The following MACF1 variants were observed in gnomAD, a reference collection of about 807,000 sequenced individuals.
The protein encoded by MACF1 is microtubule actin crosslinking factor 1.
A neutral mutation model predicts 854.8 loss-of-function variants in MACF1; 193 were observed. That is an observed-to-expected ratio of 0.23 (90% CI 0.20 to 0.25). The LOEUF (loss-of-function observed/expected upper bound fraction) is 0.25, where lower values mean the gene tolerates loss of function less well. Among genes scored for constraint, MACF1 ranks in the 10% least tolerant of loss-of-function variants. The probability of loss-of-function intolerance (pLI) is 1.00; values close to 1 mark genes in which losing one functional copy is unlikely to be tolerated. For synonymous variants in MACF1, 3,185 were observed against 3,226.7 expected (o/e 0.99, Z 0.44); for missense variants, 7,722 against 8,929.1 (o/e 0.86, Z 5.45).
intron 97 of MACF1, among the ~76,000 whole-genome samples, chr1:39,478,088 C>T (rs1029275317): frequency 2.0e-5 from 3 of 150,698 alleles, no homozygotes; most frequent in Admixed American, 1.3e-4. Context: ...CTGCAGCCTC[C>T]GCCTCCTGGG....
intron 97 of MACF1, among the ~76,000 whole-genome samples, chr1:39,470,159 T>C (rs1190940312): frequency 6.6e-6 from 1 of 152,226 alleles, no homozygotes; most frequent in Non-Finnish European, 1.5e-5. Context: ...ATGTTTGCTG[T>C]ACAGTACATA....
intron 58 of MACF1, among the ~76,000 whole-genome samples, chr1:39,399,693 T>A (rs974796275): frequency 1.3e-5 from 2 of 152,110 alleles, no homozygotes; most frequent in Non-Finnish European, 2.9e-5. Context: ...AGGCTTTTGA[T>A]CTCCCCAGCT....
chr1:39,171,810 T>C (rs1479395068), intron 2 of MACF1, among the ~76,000 whole-genome samples: 2 of 152,066 alleles, frequency 1.3e-5, no homozygotes, highest in African/African-American at 4.8e-5. Flanking sequence ...GTATTTTTAG[T>C]AGAGACGGGG....
chr1:39,379,493 C>T (rs757399504), intron 54 of MACF1, 49 bp downstream of exon 54: 1 of 1,563,190 alleles, frequency 6.4e-7, no homozygotes, highest in Non-Finnish European at 8.7e-7. Context: ...GAAGAGACAG[C>T]TGTACCAGTG....
At chr1:39,276,562 C>T (rs1645441446) in intron 6 of MACF1, among the ~76,000 whole-genome samples, 1 of 152,152 alleles carries the variant, frequency 6.6e-6, no homozygotes. Context: ...CATCCACTTT[C>T]TACGTGGAAT....
rs183980143 is a variant in MACF1 at position 39,255,523 on chromosome 1, C to T, written c.435+1148C>T. On this transcript the variant is annotated intron_variant, in intron 5 of 100. Transcript: ENST00000564288. ...TTGGAGTCAGTTCATTTTTGACACT[C>T]ATATCAGTAATTCTCATTAACTTCT... Among the ~76,000 whole-genome samples, 308 of 152,292 alleles carry T rather than the reference C, an allele frequency of 2.0e-3. 2 individuals carry two copies. Among genetic ancestry groups the T allele is most frequent in the African/African-American group, 7.1e-3 (297 of 41,570 alleles).
chr1:39,379,867 A>G (rs1025006770), intron 54 of MACF1, among the ~76,000 whole-genome samples: 4 of 152,232 alleles, frequency 2.6e-5, no homozygotes, highest in Non-Finnish European at 5.9e-5. Context: ...GTCAGAAGAT[A>G]TAAGACCACA....
Position 39,485,746 on chromosome 1 carries a change from T to C in MACF1, c.22620T>C (p.Ser7540=). The C allele has an allele frequency of 6.2e-7, 1 of 1,612,878 alleles. No individual in the cohort carries two copies. The highest frequency in any genetic ancestry group is 8.5e-7 in the Non-Finnish European group (1 of 1,179,054). The part of the protein sequence containing the change: ...LNKPSKIPTM[S]KKTTTASPRT... ...AACCTTCCAAAATCCCAACCATGTC[T>C]AAGAAGACCACCACTGCCTCCCCCA... is the stretch of plus-strand genomic sequence containing the variant. Residue 7540 remains serine, a synonymous_variant, in exon 101 of 101, where the codon TCT becomes TCC. Coordinates refer to ENST00000564288, the MANE Select transcript of MACF1 (RefSeq NM_001394062.1).
At chr1:39,194,888 C>T (rs1644301954) in intron 2 of MACF1, among the ~76,000 whole-genome samples, 1 of 151,992 alleles carries the variant, frequency 6.6e-6, no homozygotes, top group Admixed American at 6.6e-5. Context: ...GAGATGGGGT[C>T]TTGCTATGTT....
intron 51 of MACF1, among the ~76,000 whole-genome samples, chr1:39,371,275 G>T (rs1293994199): frequency 6.8e-6 from 1 of 147,496 alleles, no homozygotes; most frequent in Non-Finnish European, 1.5e-5. Context: ...CTGAGATGGT[G>T]CCACTGCACT....
rs1646723181 is a variant in MACF1 at position 39,331,365 on chromosome 1, C to A, written c.4777C>A (p.Leu1593Ile). Residue 1593 changes from leucine to isoleucine, a missense_variant, in exon 37 of 101, where the codon CTC becomes ATC. Leu to Ile is a conservative substitution (Grantham distance 5). Transcript: ENST00000564288. ...GLIAPETGEN[L>I]SLEEGIARNL... ...CATTGCCCCTGAGACGGGTGAAAAC[C>A]TCTCTTTGGAGGAGGGCATAGCCAG... The A allele has an allele frequency of 1.2e-6, 2 of 1,613,940 alleles. No individual in the cohort carries two copies. The highest frequency in any genetic ancestry group is 1.7e-6 in the Non-Finnish European group (2 of 1,180,002).
chr1:39,126,920 A>G (rs1642874194), intron 2 of MACF1, among the ~76,000 whole-genome samples: 1 of 152,202 alleles, frequency 6.6e-6, no homozygotes, highest in South Asian at 2.1e-4. Context: ...ACTAAGATTT[A>G]ACTAGAGTTA....
intron 1 of MACF1, among the ~76,000 whole-genome samples, chr1:39,227,961 C>A (rs1644734947): frequency 6.6e-6 from 1 of 152,212 alleles, no homozygotes; most frequent in African/African-American, 2.4e-5. Context: ...CTCTTATGTT[C>A]ATGAGCACTC....
chr1:39,283,308 G>C lies in MACF1; in HGVS notation c.808+7G>C, dbSNP rs1645587202. 6.2e-7 allele frequency: 1 copy of C among 1,604,952 alleles called. No individual in the cohort carries two copies. The highest frequency in any genetic ancestry group is 1.1e-5 in the South Asian group (1 of 90,812). On this transcript the variant is annotated splice_region_variant and intron_variant, in intron 8 of 100. Transcript: ENST00000564288. The surrounding 1 kb of genome is among the most constrained non-coding windows in gnomAD (Gnocchi z 4.5). The stretch of plus-strand genomic sequence containing the variant: ...CGCCTGCTGGATGCAGAAGGTGAGA[G>C]GGAGTTTACTGAACTTGAGTAAGGA...
In MACF1 at chr1:39,322,596, A is replaced by AGTAACTGTAG; in HGVS notation, c.4030-12_4030-11insGTAACTGTAG. On this transcript the variant is annotated splice_polypyrimidine_tract_variant and intron_variant, in intron 31 of 100. Coordinates refer to ENST00000564288, the MANE Select transcript of MACF1 (RefSeq NM_001394062.1). ...ACCCTGAGTAACTGTAGCGAAATTC[A>AGTAACTGTAG]TCCTTTCCTAGGACTATGAATTGCA... The AGTAACTGTAG allele has an allele frequency of 6.2e-7, 1 of 1,602,604 alleles. No homozygotes were observed. The highest frequency in any genetic ancestry group is 8.5e-7 in the Non-Finnish European group (1 of 1,169,622).
intron 26 of MACF1, among the ~76,000 whole-genome samples, chr1:39,313,048 T>G (rs1014254787): frequency 2.6e-5 from 4 of 152,194 alleles, no homozygotes; most frequent in Non-Finnish European, 5.9e-5. Context: ...TTCTCAACTT[T>G]CCATCATCTT....
At chr1:39,430,992 C>A in intron 66 of MACF1, 84 bp downstream of exon 66, 2 of 1,222,054 alleles carry the variant, frequency 1.6e-6, no homozygotes, top group Admixed American at 3.5e-5. Flanking sequence ...TAAATACAGA[C>A]TCAGAAATAA....
intron 1 of MACF1, among the ~76,000 whole-genome samples, chr1:39,228,947 C>T (rs895852522): frequency 2.6e-5 from 4 of 152,216 alleles, no homozygotes; most frequent in African/African-American, 9.7e-5. Context: ...AGCCACCACA[C>T]CCAGCCTAAT....
chr1:39,260,510 G>A (rs2246257), intron 6 of MACF1: 108,195 of 151,946 alleles, frequency 0.71, 38,804 homozygotes, highest in South Asian at 0.84. Flanking sequence ...GATTACAGGC[G>A]TGTGCCACCA....
Sources: allele counts gnomAD v4.1 joint callset (sites outside exome capture counted in the v4.1 genomes callset), GRCh38; gene constraint gnomAD v4.1.1; non-coding constraint Gnocchi (gnomAD v3.1); transcripts MANE v1.5; gene names NCBI Gene and HGNC (gene_info 2026-07-23, HGNC 2026-07-21).